The following MARCHF4 variants were observed in gnomAD, a reference collection of about 807,000 sequenced individuals.
The protein encoded by MARCHF4 is membrane associated ring-CH-type finger 4, also known as E3 ubiquitin-protein ligase MARCHF4.
In MARCHF4, 14 loss-of-function variants were observed where a neutral mutation model predicts 43.9. The ratio of observed to expected loss-of-function variants is 0.32; its 90% CI spans 0.21 to 0.50. The LOEUF is 0.50. MARCHF4 is among the 20% of genes least tolerant of loss of function. The probability of loss-of-function intolerance (pLI) is 0.98; values close to 1 mark genes in which losing one functional copy is unlikely to be tolerated. For synonymous variants in MARCHF4, 226 were observed against 213.3 expected, an observed-to-expected ratio of 1.06 and a Z score of -0.52; for missense variants, 468 against 536.7, an observed-to-expected ratio of 0.87 and a Z score of 1.27.
chr2:216,369,730 GA>G lies in MARCHF4; in HGVS notation c.516+14del, dbSNP rs1692723220. 1 of 1,545,382 alleles carries G rather than the reference GA, an allele frequency of 6.5e-7. No homozygotes were observed. Among genetic ancestry groups the G allele is most frequent in the African/African-American group, 1.4e-5 (1 of 72,990 alleles). On this transcript the variant is annotated intron_variant, in intron 1 of 3. Transcript: ENST00000273067. ...AAATACCACAGGAAGCAGGAGAAGAGAAAAGGGGACTCACCTGTTCTGGCCC... is the reference window on the plus strand; with the variant it reads ...AAATACCACAGGAAGCAGGAGAAGAGAAAGGGGACTCACCTGTTCTGGCCC...
At chr2:216,289,432 T>G (rs988020643) in intron 1 of MARCHF4, among the ~76,000 whole-genome samples, 10 of 152,132 alleles carry the variant, frequency 6.6e-5, no homozygotes, top group Admixed American at 6.5e-4. Flanking sequence ...TTTCTCTTGT[T>G]TATCTGTCTT....
In MARCHF4 at chr2:216,370,319, A is replaced by G; in HGVS notation, c.-59T>C. On this transcript the variant is annotated 5_prime_UTR_variant, in exon 1 of 4. Transcript: ENST00000273067. ...GGCTGGAGTCTTAAAAGAGGGGGAC[A>G]GGACAGGTTTTGGGGGTCCACAGTG... 6.8e-7 allele frequency: 1 copy of G among 1,478,716 alleles called. No individual in the cohort carries two copies. Among genetic ancestry groups the G allele is most frequent in the Non-Finnish European group, 9.0e-7 (1 of 1,111,798 alleles). 91.6% of individuals were successfully genotyped at this position (1,478,716 alleles called of 1,614,324 possible).
At chr2:216,286,520 T>TAAAAA (rs10565877) in intron 1 of MARCHF4, among the ~76,000 whole-genome samples, 1 of 143,496 alleles carries the variant, frequency 7.0e-6, no homozygotes. Context: ...CAACTCCATC[T>TAAAAA]AAAAAAAAAA....
chr2:216,286,420 C>T (rs6746802), intron 1 of MARCHF4, among the ~76,000 whole-genome samples: 52,836 of 151,350 alleles, frequency 0.35, 10,227 homozygotes, highest in Non-Finnish European at 0.43. Context: ...GCTCCTAAAA[C>T]GCCAGCTACT....
chr2:216,288,144 T>C (rs1691247349), intron 1 of MARCHF4, among the ~76,000 whole-genome samples: 1 of 152,128 alleles, frequency 6.6e-6, no homozygotes, highest in African/African-American at 2.4e-5. Context: ...ATTGTACTTT[T>C]TGTAGAGGTG....
At chr2:216,323,689 T>C (rs557554199) in intron 1 of MARCHF4, among the ~76,000 whole-genome samples, 1 of 152,184 alleles carries the variant, frequency 6.6e-6, no homozygotes, top group South Asian at 2.1e-4. Flanking sequence ...ACATGGAAAC[T>C]GAACAACCTG....
intron 1 of MARCHF4, among the ~76,000 whole-genome samples, chr2:216,288,136 T>A (rs1691247302): frequency 6.6e-6 from 1 of 152,180 alleles, no homozygotes; most frequent in Non-Finnish European, 1.5e-5. Flanking sequence ...CAACATGTAT[T>A]GTACTTTTTG....
intron 1 of MARCHF4, among the ~76,000 whole-genome samples, chr2:216,297,235 A>G (rs1691411352): frequency 6.6e-6 from 1 of 152,126 alleles, no homozygotes; most frequent in Non-Finnish European, 1.5e-5. Context: ...TAGAGCTGGG[A>G]AGGGCCTGGT....
At chr2:216,330,351 C>T (rs1692066693) in intron 1 of MARCHF4, among the ~76,000 whole-genome samples, 2 of 151,900 alleles carry the variant, frequency 1.3e-5, no homozygotes, top group African/African-American at 4.8e-5. Flanking sequence ...TTTCATATCA[C>T]TAAAAGTATA....
At chr2:216,337,898 G>A (rs1389211178) in intron 1 of MARCHF4, among the ~76,000 whole-genome samples, 4 of 152,180 alleles carry the variant, frequency 2.6e-5, no homozygotes. Context: ...ACACCAAAAG[G>A]AGGAAGACAC....
chr2:216,352,029 C>CT (rs993900612), intron 1 of MARCHF4, among the ~76,000 whole-genome samples: 39 of 152,006 alleles, frequency 2.6e-4, no homozygotes, highest in African/African-American at 8.7e-4. Context: ...GCATTTCTGA[C>CT]TTTTTTTTGG....
intron 1 of MARCHF4, among the ~76,000 whole-genome samples, chr2:216,367,360 C>T (rs1250955237): frequency 6.6e-6 from 1 of 151,926 alleles, no homozygotes; most frequent in Non-Finnish European, 1.5e-5. Flanking sequence ...TTCTCCCTCC[C>T]CTTCACTGCT....
At chr2:216,305,359 CATGT>C (rs1243662474) in intron 1 of MARCHF4, among the ~76,000 whole-genome samples, 5 of 152,168 alleles carry the variant, frequency 3.3e-5, no homozygotes, top group African/African-American at 7.2e-5. Context: ...TCTGAATGTG[CATGT>C]GGTCATGGTC....
At chr2:216,302,800 T>A (rs189387179) in intron 1 of MARCHF4, among the ~76,000 whole-genome samples, 3 of 145,952 alleles carry the variant, frequency 2.1e-5, no homozygotes, top group African/African-American at 7.8e-5. Context: ...TGAGAGGCTG[T>A]GGCAGGAGAA....
chr2:216,284,430 A>G (rs1044139836), intron 1 of MARCHF4, among the ~76,000 whole-genome samples: 4 of 152,146 alleles, frequency 2.6e-5, no homozygotes, highest in African/African-American at 4.8e-5. Context: ...TCCCATGACC[A>G]TATGTCAGAT....
At position 216,364,333 on chromosome 2, in the gene MARCHF4, G is replaced by C; in HGVS notation, c.516+5412C>G. Among the ~76,000 whole-genome samples, 2 of 152,162 alleles carry C rather than the reference G, an allele frequency of 1.3e-5. 1 individual carries two copies. Among genetic ancestry groups the C allele is most frequent in the South Asian group, 4.2e-4 (2 of 4,814 alleles). ...GCGGGTGCCAGGTACTGGGTTGAGA[G>C]CCAATGATCTAACAATGAATGAACA... is the stretch of plus-strand genomic sequence containing the variant. On this transcript the variant is annotated intron_variant, in intron 1 of 3. Coordinates refer to ENST00000273067, the MANE Select transcript of MARCHF4 (RefSeq NM_020814.3).
At chr2:216,326,716 A>AT (rs1284840647) in intron 1 of MARCHF4, among the ~76,000 whole-genome samples, 2 of 151,962 alleles carry the variant, frequency 1.3e-5, no homozygotes, top group African/African-American at 4.8e-5. Flanking sequence ...CAAGAACAAA[A>AT]AACCAAACAC....
rs532806969 is a variant in MARCHF4, at chr2:216,328,330, C to T, written c.516+41415G>A. 7.9e-5 allele frequency among the ~76,000 whole-genome samples: 12 copies of T among 152,248 alleles called. No homozygotes were observed. In the South Asian group the frequency reaches 8.3e-4, roughly 11 times the overall value. ...GATTACAAGTGTGCACCACCATGCC[C>T]GGCTAATTTTTGTTTTAGTAGAGAC... On this transcript the variant is annotated intron_variant, in intron 1 of 3. Transcript: ENST00000273067.
chr2:216,366,382 A>G (rs1017598765), intron 1 of MARCHF4, among the ~76,000 whole-genome samples: 5 of 152,176 alleles, frequency 3.3e-5, no homozygotes, highest in African/African-American at 1.2e-4. Context: ...CTCTGGTTCT[A>G]CAGTCTCATG....
Sources: gnomAD v4.1 joint callset for allele counts (sites outside exome capture counted in the v4.1 genomes callset) on GRCh38, gnomAD v4.1.1 for gene constraint, MANE v1.5 for transcripts, NCBI Gene and HGNC (gene_info 2026-07-23, HGNC 2026-07-21) for gene names.